The following ACAP1 variants were observed in gnomAD, a reference collection of about 807,000 sequenced individuals.
The protein encoded by ACAP1 is ArfGAP with coiled-coil, ankyrin repeat and PH domains 1.
A neutral mutation model predicts 98.8 loss-of-function variants in ACAP1; 45 were observed. The ratio of observed to expected loss-of-function variants is 0.46; its 90% confidence interval spans 0.36 to 0.58. The LOEUF is 0.58. Among genes scored for constraint, ACAP1 ranks in the 20% least tolerant of loss-of-function variants. The probability of loss-of-function intolerance (pLI) is 0.00; values close to 1 mark genes in which losing one functional copy is unlikely to be tolerated. For synonymous variants in ACAP1, 362 were observed against 375.3 expected, an observed-to-expected ratio of 0.96 and a Z score of 0.41; for missense variants, 735 against 971.4, an observed-to-expected ratio of 0.76 and a Z score of 3.24.
chr17:7,348,242 C>T, intron 16 of ACAP1, 21 bp downstream of exon 16: 2 of 1,612,200 alleles, frequency 1.2e-6, no homozygotes, highest in African/African-American at 2.7e-5. Flanking sequence ...GGTTTAGCCT[C>T]CCAGGGGAAT....
chr17:7,338,387 G>T (rs1317083949), intron 2 of ACAP1, among the ~76,000 whole-genome samples: 3 of 151,990 alleles, frequency 2.0e-5, no homozygotes, highest in East Asian at 1.9e-4. Flanking sequence ...CCAAGTAGCT[G>T]GGATTACAGG....
At chr17:7,339,865 G>C (rs1451246821) in intron 2 of ACAP1, among the ~76,000 whole-genome samples, 1 of 152,020 alleles carries the variant, frequency 6.6e-6, no homozygotes, top group Non-Finnish European at 1.5e-5. Context: ...CCGCTGATTT[G>C]TTCTCCATCT....
Position 7,343,954 on chromosome 17 carries a change from C to T in ACAP1, c.667C>T (p.Gln223Ter). The T allele has an allele frequency of 6.3e-7, 1 of 1,586,778 alleles. No homozygotes were observed. Among genetic ancestry groups the T allele is most frequent in the South Asian group, 1.1e-5 (1 of 88,868 alleles). Residue 223 changes from glutamine (Q) to a stop codon, truncating the protein, a stop_gained and splice_region_variant, in exon 8 of 22, where the codon CAG becomes TAG. Transcript: ENST00000158762. LOFTEE classifies it high-confidence loss of function. This position sits in a 1 kb window ranked among gnomAD's most constrained non-coding sequence, Gnocchi z 4.9. ...LSQYRKELGA[Q>*]LHQLVLNSAR... is the part of the protein sequence containing the mutation. Reference sequence around the variant, plus strand: ...CCAGTATCGAAAGGAGCTGGGCGCCCAGGTGGGGCCCCAGGGCACAGCAGG... The same window carrying T: ...CCAGTATCGAAAGGAGCTGGGCGCCTAGGTGGGGCCCCAGGGCACAGCAGG...
chr17:7,348,106 C>A (rs752782549), intron 15 of ACAP1, 21 bp from the exon 16 acceptor site: 4 of 1,613,624 alleles, frequency 2.5e-6, no homozygotes, highest in Non-Finnish European at 3.4e-6. Flanking sequence ...CTGTCTCTGC[C>A]TCTGCCTGGG....
rs774128190 is a variant in ACAP1, at chr17:7,344,500, G to T, written c.745-39G>T. On this transcript the variant is annotated intron_variant, in intron 9 of 21. Transcript: ENST00000158762. This position sits in a 1 kb window ranked among gnomAD's most constrained non-coding sequence, Gnocchi z 4.9. ...GCAGATGCCTATGGCCTTGGTGTCT[G>T]CCCATCTCAGTTGCCCTTTGATCCT... 3 of 1,451,854 alleles carry T rather than the reference G, an allele frequency of 2.1e-6. No individual in the cohort carries two copies. The highest frequency in any genetic ancestry group is 2.8e-5 in the African/African-American group (2 of 70,986). The allele number at this position is 1,451,854 out of a possible 1,614,324, so 89.9% of individuals were successfully genotyped here.
intron 14 of ACAP1, chr17:7,347,688 AG>A (rs1319803659): frequency 2.7e-5 from 16 of 590,522 alleles, no homozygotes; most frequent in Non-Finnish European, 4.5e-5. Flanking sequence ...TGGAGTGATG[AG>A]GGCCTTGAAA....
intron 21 of ACAP1, 139 bp from the exon 22 acceptor site, chr17:7,351,156 A>T: frequency 9.1e-7 from 1 of 1,100,456 alleles, no homozygotes; most frequent in Non-Finnish European, 1.3e-6. Flanking sequence ...GGCAAGGCAT[A>T]GGTGCTGGCG....
chr17:7,347,339 C>T, intron 14 of ACAP1, 97 bp downstream of exon 14: 1 of 1,194,796 alleles, frequency 8.4e-7, no homozygotes, highest in Non-Finnish European at 1.2e-6. Context: ...CCTTCCCTGT[C>T]CTGGCTTCCT....
rs887214875 is a variant in ACAP1 at position 7,347,976 on chromosome 17, G to A, written c.1398G>A (p.Glu466=). ...KVRSLTLDSW[E]PELVKLMCEL... is the part of the protein sequence containing the mutation. ...GGTCTCTGACCCTTGACTCATGGGA[G>A]CCAGAACTAGTGAAGGTAACTTAGC... The change falls in exon 15 of 22, where the codon GAG becomes GAA. Residue 466 remains glutamate, a synonymous_variant. Transcript: ENST00000158762. 3.7e-6 allele frequency: 6 copies of A among 1,614,210 alleles called. No individual in the cohort carries two copies. The Middle Eastern group carries it at 5.0e-4, about 133-fold the overall frequency.
chr17:7,347,522 G>T (rs1016568401), intron 14 of ACAP1: 4 of 513,752 alleles, frequency 7.8e-6, no homozygotes, highest in Non-Finnish European at 1.4e-5. Context: ...TGCTGAGGGT[G>T]GGGGAGCCAG....
At position 7,350,547 on chromosome 17, in the gene ACAP1, G is replaced by A. The variant is rs1270537843; in HGVS notation, c.2072+310G>A. ...GCACTAGACGTGACCCCGGGGGTGG[G>A]GGCAGATGAACGGAACGCAACCCAG... On this transcript the variant is annotated intron_variant, in intron 20 of 21. Coordinates refer to ENST00000158762, the MANE Select transcript of ACAP1 (RefSeq NM_014716.4). This position sits in a 1 kb window ranked among gnomAD's most constrained non-coding sequence, Gnocchi z 4.6. The A allele has an allele frequency of 4.2e-6, 2 of 477,580 alleles. No individual in the cohort carries two copies. Among genetic ancestry groups the A allele is most frequent in the Admixed American group, 3.8e-5 (1 of 26,246 alleles). The allele number at this position is 477,580 out of a possible 1,614,324, so 29.6% of individuals were successfully genotyped here.
intron 2 of ACAP1, 61 bp downstream of exon 2, chr17:7,337,430 G>A: frequency 6.4e-6 from 9 of 1,410,706 alleles, no homozygotes; most frequent in Non-Finnish European, 9.0e-6. Flanking sequence ...TAGGGCCAGG[G>A]AGAAAGCTGG....
intron 21 of ACAP1, 96 bp from the exon 22 acceptor site, chr17:7,351,199 C>T: frequency 8.3e-7 from 1 of 1,197,900 alleles, no homozygotes; most frequent in Non-Finnish European, 1.2e-6. Flanking sequence ...CCCACCCAGG[C>T]TCGGAGCGCG....
intron 2 of ACAP1, among the ~76,000 whole-genome samples, chr17:7,338,650 C>T (rs1040485679): frequency 3.9e-5 from 6 of 151,994 alleles, no homozygotes. Flanking sequence ...AGTGATCCTC[C>T]CTCCTCAACC....
chr17:7,343,568 T>A lies in ACAP1; in HGVS notation c.528+6T>A, dbSNP rs1314767688. ...CACTGGATTATGCCCTGCAGGTGCC[T>A]GCCCCAATCTGTCTTCCTGGGGTAC... On this transcript the variant is annotated splice_donor_region_variant and intron_variant, in intron 6 of 21. Coordinates refer to ENST00000158762, the MANE Select transcript of ACAP1 (RefSeq NM_014716.4). The surrounding 1 kb of genome is among the most constrained non-coding windows in gnomAD (Gnocchi z 4.9). 6.2e-7 allele frequency: 1 copy of A among 1,607,820 alleles called. No individual in the cohort carries two copies. The highest frequency in any genetic ancestry group is 1.3e-5 in the African/African-American group (1 of 74,914).
chr17:7,342,231 G>A, intron 3 of ACAP1, 44 bp from the exon 4 acceptor site: 1 of 1,610,390 alleles, frequency 6.2e-7, no homozygotes, highest in Admixed American at 1.7e-5. Flanking sequence ...GGAGGGTGCT[G>A]CCACCCCATG....
chr17:7,351,084 C>T (rs2073405067), intron 21 of ACAP1, 85 bp downstream of exon 21: 1 of 1,349,350 alleles, frequency 7.4e-7, no homozygotes. Flanking sequence ...CCCTAGTGCC[C>T]AGCTGCATTC....
Position 7,344,091 on chromosome 17 carries a change from A to G in ACAP1, c.712A>G (p.Met238Val). 1.9e-6 allele frequency: 3 copies of G among 1,589,282 alleles called. No homozygotes were observed. Among genetic ancestry groups the G allele is most frequent in the Non-Finnish European group, 2.6e-6 (3 of 1,167,238 alleles). Residue 238 changes from methionine (M) to valine (V), a missense_variant, in exon 9 of 22, where the codon ATG becomes GTG. Transcript: ENST00000158762. This position sits in a 1 kb window ranked among gnomAD's most constrained non-coding sequence, Gnocchi z 4.9. ...GAATTCAGCACGAGAGAAGAGGGAC[A>G]TGGAGCAGAGACACGTGCTGCTGAA... ...VLNSAREKRD[M>V]EQRHVLLKQK...
chr17:7,344,720 G>A lies in ACAP1; in HGVS notation c.854+72G>A, dbSNP rs1232762813. On this transcript the variant is annotated intron_variant, in intron 10 of 21. Coordinates refer to ENST00000158762, the MANE Select transcript of ACAP1 (RefSeq NM_014716.4). This position sits in a 1 kb window ranked among gnomAD's most constrained non-coding sequence, Gnocchi z 4.9. ...TTTTCGAGTGGTAATAGCACACTAA[G>A]CACTGCAAGGAAAAACAGACGAACC... 11 of 1,138,572 alleles carry A rather than the reference G, an allele frequency of 9.7e-6. No homozygotes were observed. The highest frequency in any genetic ancestry group is 4.2e-5 in the Admixed American group (2 of 47,960). The allele number at this position is 1,138,572 out of a possible 1,614,324, so 70.5% of individuals were successfully genotyped here.
Sources: gnomAD v4.1 joint callset for allele counts (sites outside exome capture counted in the v4.1 genomes callset) on GRCh38, gnomAD v4.1.1 for gene constraint, Gnocchi (gnomAD v3.1) non-coding constraint, MANE v1.5 for transcripts, NCBI Gene and HGNC (gene_info 2026-07-23, HGNC 2026-07-21) for gene names.